The following HYCC2 variants were observed in gnomAD, a reference collection of about 807,000 sequenced individuals.
HYCC2 encodes hyccin PI4KA lipid kinase complex subunit 2, also known as hyccin 2.
the HYCC2 span, among the ~76,000 whole-genome samples, chr2:201,012,716 G>A: frequency 4.6e-5 from 7 of 150,752 alleles, no homozygotes; most frequent in South Asian, 4.2e-4. Flanking sequence ...AGGCTGAGGC[G>A]GGTAGATCAC....
chr2:201,050,685 G>T, the HYCC2 span, among the ~76,000 whole-genome samples: 1 of 151,898 alleles, frequency 6.6e-6, no homozygotes, highest in Non-Finnish European at 1.5e-5. Context: ...TATAATCCCA[G>T]TACTTTGGGA....
At chr2:201,006,418 G>T in the HYCC2 span, among the ~76,000 whole-genome samples, 1 of 151,804 alleles carries the variant, frequency 6.6e-6, no homozygotes, top group African/African-American at 2.4e-5. Flanking sequence ...TGGGATTACA[G>T]GCATGAGCCG....
the HYCC2 span, among the ~76,000 whole-genome samples, chr2:201,005,288 T>G: frequency 1.3e-5 from 2 of 150,980 alleles, no homozygotes; most frequent in Admixed American, 6.6e-5. Context: ...TCTGGGGGGG[T>G]TTGGGATTAG....
the HYCC2 span, among the ~76,000 whole-genome samples, chr2:201,065,543 T>C: frequency 6.6e-6 from 1 of 152,262 alleles, no homozygotes; most frequent in Admixed American, 6.5e-5. Context: ...CTAATCTAGA[T>C]AGTTGCCTCT....
At chr2:200,987,517 G>C in the HYCC2 span, 1 of 1,289,752 alleles carries the variant, frequency 7.8e-7, no homozygotes, top group South Asian at 1.2e-5. Flanking sequence ...AGCCTCGTTT[G>C]AGAAGTCAAA....
the HYCC2 span, chr2:200,978,054 A>G: frequency 1.3e-5 from 2 of 152,198 alleles, no homozygotes; most frequent in Non-Finnish European, 2.9e-5. Context: ...AGATGATTAG[A>G]CTTTTATGGA....
chr2:201,032,702 G>T, the HYCC2 span, among the ~76,000 whole-genome samples: 3 of 152,052 alleles, frequency 2.0e-5, no homozygotes, highest in African/African-American at 7.2e-5. Context: ...TGTCACCTCA[G>T]CTGGACTGCA....
chr2:201,037,423 C>T, the HYCC2 span, among the ~76,000 whole-genome samples: 3 of 152,118 alleles, frequency 2.0e-5, no homozygotes, highest in East Asian at 1.9e-4. Flanking sequence ...AAAAAGAGCC[C>T]GCATTGCCAA....
At chr2:201,036,069 C>T in the HYCC2 span, among the ~76,000 whole-genome samples, 7 of 151,986 alleles carry the variant, frequency 4.6e-5, no homozygotes, top group African/African-American at 1.2e-4. Context: ...ATATCACCAC[C>T]GATCCCACAG....
chr2:201,048,949 AAAAC>A, the HYCC2 span, among the ~76,000 whole-genome samples: 62 of 151,852 alleles, frequency 4.1e-4, 1 homozygote, highest in Middle Eastern at 0.014. Flanking sequence ...CATTATCTAC[AAAAC>A]AAACAAACAA....
At chr2:201,034,527 T>C in the HYCC2 span, among the ~76,000 whole-genome samples, 2 of 152,340 alleles carry the variant, frequency 1.3e-5, no homozygotes, top group South Asian at 2.1e-4. Flanking sequence ...GTCTCCTGAA[T>C]ACAGCACACT....
At chr2:201,017,115 C>G in the HYCC2 span, 2 of 1,613,904 alleles carry the variant, frequency 1.2e-6, no homozygotes, top group Non-Finnish European at 1.7e-6. Flanking sequence ...CCTCTTAAGT[C>G]GAACCTCTGA....
the HYCC2 span, among the ~76,000 whole-genome samples, chr2:201,041,328 A>C: frequency 6.6e-6 from 1 of 152,182 alleles, no homozygotes; most frequent in South Asian, 2.1e-4. Flanking sequence ...GCACTATGCA[A>C]TCTGGTCCCT....
chr2:201,008,985 G>A, the HYCC2 span: 1 of 1,607,818 alleles, frequency 6.2e-7, no homozygotes, highest in Non-Finnish European at 8.5e-7. Context: ...GTTCTGTGCA[G>A]TGAATGTTTC....
At chr2:200,997,483 A>G in the HYCC2 span, 1 of 1,613,652 alleles carries the variant, frequency 6.2e-7, no homozygotes, top group Non-Finnish European at 8.5e-7. Context: ...AAGATGAGGC[A>G]GGCATATATA....
the HYCC2 span, among the ~76,000 whole-genome samples, chr2:201,045,288 A>G: frequency 6.6e-6 from 1 of 152,214 alleles, no homozygotes; most frequent in Admixed American, 6.5e-5. Context: ...TAAAGTTTAG[A>G]TAACAGAAAG....
At chr2:200,992,347 A>T in the HYCC2 span, 1 of 1,611,078 alleles carries the variant, frequency 6.2e-7, no homozygotes, top group Non-Finnish European at 8.5e-7. Flanking sequence ...CTTCCTGGCC[A>T]AGGTCCCACT....
At chr2:201,027,651 T>A in the HYCC2 span, among the ~76,000 whole-genome samples, 40 of 151,912 alleles carry the variant, frequency 2.6e-4, no homozygotes, top group Admixed American at 2.4e-3. Context: ...GATGCAAGGC[T>A]GGTTCAACAT....
At chr2:201,011,474 T>C in the HYCC2 span, 1 of 1,529,914 alleles carries the variant, frequency 6.5e-7, no homozygotes, top group Non-Finnish European at 8.9e-7. Flanking sequence ...AGCGATTTCC[T>C]ATAGTCAAAA....
Sources: allele counts gnomAD v4.1 joint callset (sites outside exome capture counted in the v4.1 genomes callset), GRCh38; gene constraint gnomAD v4.1.1; transcripts MANE v1.5; gene names NCBI Gene and HGNC (gene_info 2026-07-23, HGNC 2026-07-21).